Variants in SCMH1 observed in about 807,000 individuals in gnomAD.
SCMH1 encodes polycomb protein SCMH1.
In SCMH1, 37 loss-of-function variants were observed where a neutral mutation model predicts 70.8. The observed-to-expected ratio is 0.52, with a 90% CI of 0.40 to 0.69. SCMH1 has a LOEUF of 0.69. SCMH1 is among the 30% of genes least tolerant of loss of function. The probability of loss-of-function intolerance (pLI) is 0.00; values close to 1 mark genes in which losing one functional copy is unlikely to be tolerated. For synonymous variants in SCMH1, 292 were observed against 307.4 expected (o/e 0.95, Z 0.52); for missense variants, 607 against 827.3 (o/e 0.73, Z 3.27).
intron 9 of SCMH1, among the ~76,000 whole-genome samples, chr1:41,074,655 C>T (rs917459519): frequency 1.3e-5 from 2 of 152,184 alleles, no homozygotes; most frequent in Non-Finnish European, 2.9e-5. Flanking sequence ...GTACACTAGA[C>T]CAGAATCTCC....
chr1:41,056,205 C>G (rs1323187899), intron 10 of SCMH1, among the ~76,000 whole-genome samples: 1 of 152,156 alleles, frequency 6.6e-6, no homozygotes, highest in Non-Finnish European at 1.5e-5. Flanking sequence ...ACGCAGCCAC[C>G]ATGGTATGGC....
At chr1:41,161,741 GGTTAT>G (rs1358349044) in intron 2 of SCMH1, among the ~76,000 whole-genome samples, 1 of 152,118 alleles carries the variant, frequency 6.6e-6, no homozygotes, top group African/African-American at 2.4e-5. Context: ...ATGGGAAAAT[GGTTAT>G]GTTATGTTAT....
intron 1 of SCMH1, among the ~76,000 whole-genome samples, chr1:41,188,809 AATT>A (rs1305691629): frequency 6.6e-6 from 1 of 152,198 alleles, no homozygotes; most frequent in Non-Finnish European, 1.5e-5. Flanking sequence ...ATTAATATAT[AATT>A]ATCATTTTAA....
chr1:41,233,800 C>T (rs954347581), intron 1 of SCMH1, among the ~76,000 whole-genome samples: 19 of 152,186 alleles, frequency 1.2e-4, no homozygotes, highest in African/African-American at 4.3e-4. Flanking sequence ...CCAAACATCA[C>T]TTTCTCCTGA....
chr1:41,150,936 C>CAAAAA (rs71062579), intron 5 of SCMH1, among the ~76,000 whole-genome samples: 5 of 76,496 alleles, frequency 6.5e-5, no homozygotes, highest in Non-Finnish European at 7.4e-5. Flanking sequence ...GACACCATCT[C>CAAAAA]AAAAAAAAAA....
chr1:41,088,318 C>T (rs994112338), intron 8 of SCMH1, among the ~76,000 whole-genome samples: 5 of 152,032 alleles, frequency 3.3e-5, no homozygotes, highest in Middle Eastern at 3.4e-3. Context: ...AAAGGGTGGA[C>T]GATACTTCTC....
chr1:41,087,968 T>TG (rs1553238484), intron 8 of SCMH1, among the ~76,000 whole-genome samples: 1 of 18,022 alleles, frequency 5.5e-5, no homozygotes, highest in African/African-American at 3.6e-4. Context: ...GTGTGTGTAT[T>TG]TATTTATGCA....
intron 8 of SCMH1, among the ~76,000 whole-genome samples, chr1:41,091,887 G>C (rs1174626024): frequency 6.6e-6 from 1 of 151,286 alleles, no homozygotes; most frequent in African/African-American, 2.4e-5. Context: ...CAAACAAATG[G>C]AAGAACATTC....
intron 2 of SCMH1, among the ~76,000 whole-genome samples, chr1:41,165,332 G>T (rs1646341144): frequency 6.6e-6 from 1 of 152,042 alleles, no homozygotes; most frequent in Non-Finnish European, 1.5e-5. Flanking sequence ...GAATAGTGCT[G>T]CAATGAATAC....
At chr1:41,039,479 CTTT>C (rs35830007) in intron 12 of SCMH1, among the ~76,000 whole-genome samples, 13 of 145,466 alleles carry the variant, frequency 8.9e-5, no homozygotes, top group Admixed American at 5.5e-4. Flanking sequence ...ATTGCAAATA[CTTT>C]TTTTTTTTTT....
At chr1:41,158,056 G>C (rs2284801) in intron 4 of SCMH1, among the ~76,000 whole-genome samples, 28,980 of 152,086 alleles carry the variant, frequency 0.19, 3,498 homozygotes, top group East Asian at 0.4. Context: ...TACACTTTGA[G>C]AGAGAGCAAA....
intron 10 of SCMH1, among the ~76,000 whole-genome samples, chr1:41,068,043 C>T (rs532629898): frequency 1.3e-5 from 2 of 152,150 alleles, no homozygotes; most frequent in Non-Finnish European, 2.9e-5. Flanking sequence ...TCTCCAACCA[C>T]GGGGAAGTAG....
intron 13 of SCMH1, 99 bp from the exon 14 acceptor site, chr1:41,034,147 C>G (rs1167037249): frequency 1.3e-6 from 2 of 1,503,392 alleles, no homozygotes; most frequent in Non-Finnish European, 8.9e-7. Context: ...TGACTCAAGT[C>G]TCAAAGCAAG....
intron 10 of SCMH1, among the ~76,000 whole-genome samples, chr1:41,062,458 T>G (rs1405782094): frequency 6.6e-6 from 1 of 151,372 alleles, no homozygotes; most frequent in Non-Finnish European, 1.5e-5. Flanking sequence ...ATAAAAAAAT[T>G]AGGCTGGGTG....
intron 8 of SCMH1, among the ~76,000 whole-genome samples, chr1:41,081,376 AT>A (rs1659971163): frequency 6.6e-6 from 1 of 152,268 alleles, no homozygotes; most frequent in Non-Finnish European, 1.5e-5. Flanking sequence ...TGTGTGGTGT[AT>A]GTATGCAAAT....
At chr1:41,214,330 T>C (rs972353578) in intron 1 of SCMH1, among the ~76,000 whole-genome samples, 2 of 152,152 alleles carry the variant, frequency 1.3e-5, no homozygotes, top group Non-Finnish European at 1.5e-5. Flanking sequence ...AAATATACTT[T>C]GCAAAATATA....
chr1:41,200,672 T>C (rs1654151183), intron 1 of SCMH1, among the ~76,000 whole-genome samples: 1 of 151,932 alleles, frequency 6.6e-6, no homozygotes, highest in African/African-American at 2.4e-5. Context: ...GTATGATCCA[T>C]TTTAAAATAA....
chr1:41,037,523 C>G (rs758883656), exon 13 of SCMH1: 1 of 1,614,004 alleles, frequency 6.2e-7, no homozygotes, highest in South Asian at 1.1e-5. Flanking sequence ...CAGACTATTC[C>G]CCAGGACAAA....
At chr1:41,028,402 T>TA (rs1644030979) in intron 14 of SCMH1, 83 bp from the exon 16 acceptor site, 1 of 1,567,668 alleles carries the variant, frequency 6.4e-7, no homozygotes, top group African/African-American at 1.3e-5. Flanking sequence ...GTTCTGATTA[T>TA]AGGCCATCCT....
Sources: gnomAD v4.1 joint callset for allele counts (sites outside exome capture counted in the v4.1 genomes callset) on GRCh38, gnomAD v4.1.1 for gene constraint, MANE v1.5 for transcripts, NCBI Gene and HGNC (gene_info 2026-07-23, HGNC 2026-07-21) for gene names.